Variants in EGFLAM observed in about 807,000 individuals in gnomAD.
The protein encoded by EGFLAM is pikachurin.
In EGFLAM, 79 loss-of-function variants were observed where a neutral mutation model predicts 113.1. The ratio of observed to expected loss-of-function variants is 0.70; its 90% CI spans 0.58 to 0.84. The LOEUF (loss-of-function observed/expected upper bound fraction) is 0.84, where lower values mean the gene tolerates loss of function less well. EGFLAM is among the 40% of genes least tolerant of loss of function. The probability of loss-of-function intolerance (pLI) is 0.00; values close to 1 mark genes in which losing one functional copy is unlikely to be tolerated. For missense variants in EGFLAM, 1,265 were observed against 1,291.6 expected (o/e 0.98, Z 0.32); for synonymous variants, 504 against 487.6 (o/e 1.03, Z -0.44).
chr5:38,392,395 T>C (rs548971915), intron 6 of EGFLAM, among the ~76,000 whole-genome samples: 9 of 152,230 alleles, frequency 5.9e-5, no homozygotes, highest in Admixed American at 3.9e-4. Context: ...TCTTTGCTAT[T>C]GTGAACAGTG....
At chr5:38,349,546 A>G (rs1405476372) in intron 3 of EGFLAM, among the ~76,000 whole-genome samples, 1 of 152,130 alleles carries the variant, frequency 6.6e-6, no homozygotes, top group African/African-American at 2.4e-5. Flanking sequence ...CACAGCTAAC[A>G]ATAAGTGGCA....
intron 17 of EGFLAM, among the ~76,000 whole-genome samples, chr5:38,443,213 C>A (rs1742604466): frequency 6.6e-6 from 1 of 152,190 alleles, no homozygotes; most frequent in Admixed American, 6.5e-5. Context: ...TTGCAGTAAG[C>A]CGAGATCGTG....
At chr5:38,343,180 G>A (rs1220959472) in intron 3 of EGFLAM, among the ~76,000 whole-genome samples, 1 of 152,016 alleles carries the variant, frequency 6.6e-6, no homozygotes, top group Non-Finnish European at 1.5e-5. Flanking sequence ...GAGGCGGGTG[G>A]ATCAACTGAG....
At chr5:38,265,007 C>G (rs1757598125) in intron 1 of EGFLAM, among the ~76,000 whole-genome samples, 1 of 152,206 alleles carries the variant, frequency 6.6e-6, no homozygotes, top group African/African-American at 2.4e-5. Context: ...GTTAGTCTCA[C>G]TCTTTCCATT....
At chr5:38,312,780 T>C (rs1355931441) in intron 1 of EGFLAM, among the ~76,000 whole-genome samples, 1 of 152,184 alleles carries the variant, frequency 6.6e-6, no homozygotes, top group Non-Finnish European at 1.5e-5. Flanking sequence ...TAATGCACGA[T>C]CTTTAGAGAA....
chr5:38,430,926 C>G (rs1739910500), intron 14 of EGFLAM, among the ~76,000 whole-genome samples: 1 of 152,170 alleles, frequency 6.6e-6, no homozygotes, highest in Non-Finnish European at 1.5e-5. Context: ...AGGTGGATGT[C>G]CCAACTCAAG....
At chr5:38,398,519 C>T (rs1026276819) in intron 6 of EGFLAM, among the ~76,000 whole-genome samples, 1 of 152,004 alleles carries the variant, frequency 6.6e-6, no homozygotes, top group Admixed American at 6.5e-5. Flanking sequence ...TGATTTTGCA[C>T]AGAAATATAA....
intron 19 of EGFLAM, among the ~76,000 whole-genome samples, chr5:38,454,324 A>C (rs1743017218): frequency 6.6e-6 from 1 of 152,104 alleles, no homozygotes; most frequent in African/African-American, 2.4e-5. Context: ...ACAGGGTCTG[A>C]AGTGGCTTTG....
chr5:38,456,171 C>A (rs1743079182), intron 19 of EGFLAM, among the ~76,000 whole-genome samples: 1 of 152,094 alleles, frequency 6.6e-6, no homozygotes, highest in African/African-American at 2.4e-5. Context: ...CTACGATGTG[C>A]AGTGCTTCCT....
chr5:38,348,009 A>G (rs1739518173), intron 3 of EGFLAM, among the ~76,000 whole-genome samples: 1 of 151,856 alleles, frequency 6.6e-6, no homozygotes, highest in South Asian at 2.1e-4. Context: ...TGTAGAGTGA[A>G]CTCATAGAGG....
intron 6 of EGFLAM, among the ~76,000 whole-genome samples, chr5:38,386,116 G>A (rs1381731180): frequency 6.6e-6 from 1 of 152,188 alleles, no homozygotes. Context: ...TGACCAGAAT[G>A]TCACTATGTG....
At chr5:38,436,010 G>GAA in intron 16 of EGFLAM, among the ~76,000 whole-genome samples, 1 of 152,020 alleles carries the variant, frequency 6.6e-6, no homozygotes, top group African/African-American at 2.4e-5. Context: ...TAGAGACAGG[G>GAA]TTTCACCATG....
chr5:38,277,770 CAAAAA>C (rs79271284), intron 1 of EGFLAM, among the ~76,000 whole-genome samples: 62,395 of 150,966 alleles, frequency 0.41, 13,321 homozygotes, highest in Middle Eastern at 0.57. Flanking sequence ...CTGAAAAAGT[CAAAAA>C]AAATCTTGTG....
At chr5:38,434,154 G>T (rs924990312) in intron 15 of EGFLAM, among the ~76,000 whole-genome samples, 38 of 152,126 alleles carry the variant, frequency 2.5e-4, no homozygotes, top group African/African-American at 7.7e-4. Context: ...TGCATGCTCT[G>T]GCCCCCTCTC....
chr5:38,356,564 CTT>C (rs1453350174), intron 5 of EGFLAM, among the ~76,000 whole-genome samples: 2 of 152,158 alleles, frequency 1.3e-5, no homozygotes, highest in African/African-American at 4.8e-5. Context: ...GCCCGGTGCT[CTT>C]TTTATGAATC....
At chr5:38,408,959 G>T (rs1464805814) in intron 9 of EGFLAM, 45 bp from the exon 10 acceptor site, 2 of 1,479,718 alleles carry the variant, frequency 1.4e-6, no homozygotes, top group South Asian at 1.2e-5. Context: ...CTTAAGGAAG[G>T]GGAGGTGCTT....
chr5:38,323,635 G>A (rs181747761), intron 1 of EGFLAM, among the ~76,000 whole-genome samples: 9 of 152,102 alleles, frequency 5.9e-5, no homozygotes, highest in Middle Eastern at 3.4e-3. Context: ...TCACACATAA[G>A]TGGCCTACTA....
At chr5:38,279,992 A>G (rs1488477568) in intron 1 of EGFLAM, among the ~76,000 whole-genome samples, 2 of 152,138 alleles carry the variant, frequency 1.3e-5, no homozygotes, top group Non-Finnish European at 2.9e-5. Context: ...ACACAATTTG[A>G]TCTTTCAACT....
At chr5:38,460,076 TA>T (rs911066679) in intron 20 of EGFLAM, among the ~76,000 whole-genome samples, 1 of 152,228 alleles carries the variant, frequency 6.6e-6, no homozygotes, top group African/African-American at 2.4e-5. Flanking sequence ...TTCTGCCTCT[TA>T]CCCATCTTTA....
Sources: gnomAD v4.1 joint callset for allele counts (sites outside exome capture counted in the v4.1 genomes callset) on GRCh38, gnomAD v4.1.1 for gene constraint, MANE v1.5 for transcripts, NCBI Gene and HGNC (gene_info 2026-07-23, HGNC 2026-07-21) for gene names.